Variants in CDKL4 observed in about 807,000 individuals in gnomAD.
CDKL4 encodes the protein cyclin-dependent kinase-like 4.
In CDKL4, 44 loss-of-function variants were observed where a neutral mutation model predicts 42.0. The ratio of observed to expected loss-of-function variants is 1.05; its 90% CI spans 0.82 to 1.35. The LOEUF (loss-of-function observed/expected upper bound fraction) is 1.35. Among genes scored for constraint, CDKL4 ranks in the 40% most tolerant of loss-of-function variants. The probability of loss-of-function intolerance (pLI) is 0.00; values close to 1 mark genes in which losing one functional copy is unlikely to be tolerated. For synonymous variants in CDKL4, 120 were observed against 121.6 expected (o/e 0.99, Z 0.09); for missense variants, 393 against 369.9 (o/e 1.06, Z -0.51).
chr2:39,208,252 G>A (rs1677333454), intron 4 of CDKL4, among the ~76,000 whole-genome samples: 2 of 152,202 alleles, frequency 1.3e-5, no homozygotes, highest in South Asian at 2.1e-4. Context: ...TCTCTGCAAT[G>A]CCTCTTGCAA....
At chr2:39,205,723 G>A (rs867105195) in intron 4 of CDKL4, among the ~76,000 whole-genome samples, 4 of 123,052 alleles carry the variant, frequency 3.3e-5, no homozygotes, top group Non-Finnish European at 6.4e-5. Flanking sequence ...TGGTGCCACT[G>A]CACTCCAGCC....
chr2:39,190,233 A>T, intron 6 of CDKL4, 72 bp downstream of exon 6: 1 of 998,450 alleles, frequency 1.0e-6, no homozygotes. Context: ...TTATTTATTT[A>T]TTTTTTATTA....
At chr2:39,168,274 T>C in the CDKL4 span, among the ~76,000 whole-genome samples, 2 of 152,190 alleles carry the variant, frequency 1.3e-5, no homozygotes, top group African/African-American at 4.8e-5. Flanking sequence ...GCTAAAATAA[T>C]AAATGGACAC....
chr2:39,169,832 T>A, the CDKL4 span, among the ~76,000 whole-genome samples: 1 of 152,292 alleles, frequency 6.6e-6, no homozygotes, highest in South Asian at 2.1e-4. Context: ...AGGGTCTCAC[T>A]CTGTCACCCA....
Position 39,185,364 on chromosome 2 carries a change from A to ATG in CDKL4, c.736-718_736-717insCA, listed in dbSNP as rs1381271349. 4.4e-3 allele frequency among the ~76,000 whole-genome samples: 393 copies of ATG among 88,528 alleles called. 118 individuals carry two copies. The highest frequency in any genetic ancestry group is 0.017 in the African/African-American group (373 of 21,858). The allele number at this position is 88,528 out of a possible 152,430, so 58.1% of individuals were successfully genotyped here. The stretch of plus-strand genomic sequence containing the variant: ...TATATACACATATGTATATATACAT[A>ATG]TATATATACATATGTATATATACAT... On this transcript the variant is annotated intron_variant, in intron 7 of 9. Transcript: ENST00000451199.
chr2:39,220,976 C>CTTTTTTTTTTTTTTTTTTTGTTTTTT (rs1678289919), intron 3 of CDKL4, among the ~76,000 whole-genome samples: 1 of 49,146 alleles, frequency 2.0e-5, no homozygotes, highest in African/African-American at 7.3e-5. Flanking sequence ...CATCGACGAT[C>CTTTTTTTTTTTTTTTTTTTGTTTTTT]TTTTTTTTTT....
chr2:39,224,035 G>A (rs1421641010), intron 3 of CDKL4, among the ~76,000 whole-genome samples: 1 of 152,120 alleles, frequency 6.6e-6, no homozygotes, highest in East Asian at 1.9e-4. Context: ...AGTTTTTTTT[G>A]AATAAATATA....
chr2:39,176,792 T>C (rs1675186336), intron 9 of CDKL4, among the ~76,000 whole-genome samples: 3 of 152,202 alleles, frequency 2.0e-5, no homozygotes, highest in Non-Finnish European at 2.9e-5. Flanking sequence ...CTCTTTACTA[T>C]CAAATTTAAA....
At chr2:39,209,598 T>G (rs1486981533) in intron 4 of CDKL4, among the ~76,000 whole-genome samples, 1 of 152,210 alleles carries the variant, frequency 6.6e-6, no homozygotes, top group Non-Finnish European at 1.5e-5. Flanking sequence ...AGATTCAACA[T>G]TTCTAAAAGC....
intron 5 of CDKL4, among the ~76,000 whole-genome samples, chr2:39,192,636 T>G (rs916444725): frequency 6.6e-6 from 1 of 152,144 alleles, no homozygotes; most frequent in African/African-American, 2.4e-5. Context: ...TGTCCTGATT[T>G]TTTTCATTGA....
At chr2:39,218,600 C>T (rs1678096508) in intron 3 of CDKL4, among the ~76,000 whole-genome samples, 1 of 152,148 alleles carries the variant, frequency 6.6e-6, no homozygotes, top group South Asian at 2.1e-4. Flanking sequence ...GAAGACCCAC[C>T]CACAAAGGTG....
At chr2:39,226,988 C>G (rs1411407432) in intron 2 of CDKL4, among the ~76,000 whole-genome samples, 1 of 151,932 alleles carries the variant, frequency 6.6e-6, no homozygotes, top group African/African-American at 2.4e-5. Flanking sequence ...GCTGGTCTCA[C>G]GTGGACAGGC....
At chr2:39,193,843 A>C (rs961659098) in intron 5 of CDKL4, among the ~76,000 whole-genome samples, 1 of 152,236 alleles carries the variant, frequency 6.6e-6, no homozygotes, top group Admixed American at 6.5e-5. Context: ...GTTCTTTTTC[A>C]CTTAGCCCCA....
At position 39,185,033 on chromosome 2, in the gene CDKL4, C is replaced by A. The variant is rs573592990; in HGVS notation, c.736-386G>T. ...TATAGGGGTGAGCCAACTCACCTGGCCTATATTTTGAATATATTAGTAATA... is the reference window on the plus strand; with the variant it reads ...TATAGGGGTGAGCCAACTCACCTGGACTATATTTTGAATATATTAGTAATA... On this transcript the variant is annotated intron_variant, in intron 7 of 9. Transcript: ENST00000451199. Among the ~76,000 whole-genome samples, 22 of 149,818 alleles carry A rather than the reference C, an allele frequency of 1.5e-4. 1 individual carries two copies. The highest frequency in any genetic ancestry group is 5.4e-4 in the African/African-American group (22 of 40,652).
intron 8 of CDKL4, among the ~76,000 whole-genome samples, chr2:39,183,431 G>T (rs1208291308): frequency 6.6e-6 from 1 of 152,190 alleles, no homozygotes; most frequent in East Asian, 1.9e-4. Context: ...AAATAAAATA[G>T]TCGAGTAACA....
chr2:39,182,035 G>C (rs1675469389), intron 8 of CDKL4, among the ~76,000 whole-genome samples: 1 of 152,054 alleles, frequency 6.6e-6, no homozygotes, highest in African/African-American at 2.4e-5. Context: ...AGGCTACAGT[G>C]CAGTGGCATA....
chr2:39,228,481 G>T (rs905340898), intron 2 of CDKL4, among the ~76,000 whole-genome samples: 1 of 152,144 alleles, frequency 6.6e-6, no homozygotes, highest in African/African-American at 2.4e-5. Flanking sequence ...AATTTCTGGG[G>T]ATTTTCTAAA....
intron 5 of CDKL4, among the ~76,000 whole-genome samples, chr2:39,195,714 C>T (rs1262810622): frequency 6.8e-6 from 1 of 146,606 alleles, no homozygotes; most frequent in African/African-American, 2.6e-5. Context: ...GCAGTCTTGG[C>T]TCACTGCAAC....
At chr2:39,176,815 T>A (rs1259353009) in intron 9 of CDKL4, among the ~76,000 whole-genome samples, 2 of 152,252 alleles carry the variant, frequency 1.3e-5, no homozygotes, top group Admixed American at 1.3e-4. Context: ...TTATTTAGTC[T>A]TAAGGAAACC....
Sources: allele counts gnomAD v4.1 joint callset (sites outside exome capture counted in the v4.1 genomes callset), GRCh38; gene constraint gnomAD v4.1.1; transcripts MANE v1.5; gene names NCBI Gene and HGNC (gene_info 2026-07-23, HGNC 2026-07-21).